UNC5C: variants seen among roughly 807,000 people sequenced by gnomAD.
The protein encoded by UNC5C is unc-5 netrin receptor C, also known as netrin receptor UNC5C.
UNC5C carries 47 observed loss-of-function variants against 99.8 expected under a neutral mutation model. The ratio of observed to expected loss-of-function variants is 0.47; its 90% CI spans 0.37 to 0.60. UNC5C has a LOEUF of 0.60. Among genes scored for constraint, UNC5C ranks in the 20% least tolerant of loss-of-function variants. The pLI, the probability that UNC5C is intolerant of heterozygous loss-of-function variation, is 0.00. For missense variants in UNC5C, 1,062 were observed against 1,165.9 expected, an observed-to-expected ratio of 0.91 and a Z score of 1.30; for synonymous variants, 487 against 452.2, an observed-to-expected ratio of 1.08 and a Z score of -0.98.
chr4:95,372,056 A>G (rs747896480), intron 1 of UNC5C, among the ~76,000 whole-genome samples: 4 of 152,128 alleles, frequency 2.6e-5, no homozygotes, highest in Non-Finnish European at 5.9e-5. Flanking sequence ...AACATGTAAC[A>G]ATCCTATCAC....
At chr4:95,383,481 A>G (rs1035123651) in intron 1 of UNC5C, among the ~76,000 whole-genome samples, 1 of 152,232 alleles carries the variant, frequency 6.6e-6, no homozygotes, top group African/African-American at 2.4e-5. Context: ...AACTAGTCCC[A>G]TAATAGCCAT....
chr4:95,270,362 T>C (rs1740613100), intron 4 of UNC5C, among the ~76,000 whole-genome samples: 3 of 152,230 alleles, frequency 2.0e-5, no homozygotes. Context: ...CTGGGTATTT[T>C]TGTGCTTTAA....
chr4:95,268,732 C>T (rs1029091517), intron 4 of UNC5C, among the ~76,000 whole-genome samples: 1 of 152,162 alleles, frequency 6.6e-6, no homozygotes, highest in Non-Finnish European at 1.5e-5. Context: ...ACATGCCACC[C>T]AACATGAAAA....
At chr4:95,354,479 A>ATATTTTTTTTTTT in intron 1 of UNC5C, among the ~76,000 whole-genome samples, 7 of 110,340 alleles carry the variant, frequency 6.3e-5, no homozygotes, top group South Asian at 2.9e-4. Context: ...ATATATATAT[A>ATATTTTTTTTTTT]TTTTTTTTTT....
chr4:95,477,913 C>G (rs542742885), intron 1 of UNC5C, among the ~76,000 whole-genome samples: 6 of 151,948 alleles, frequency 3.9e-5, no homozygotes, highest in African/African-American at 1.2e-4. Flanking sequence ...AATGAGGTAG[C>G]CTGTCTCTGG....
intron 7 of UNC5C, among the ~76,000 whole-genome samples, chr4:95,228,316 C>CT (rs1215043454): frequency 7.2e-5 from 11 of 152,264 alleles, no homozygotes; most frequent in African/African-American, 2.4e-4. Flanking sequence ...TTTATTACTA[C>CT]TTTTTAAAAA....
At chr4:95,396,452 ATGATGATGATGATGT>A (rs1390437098) in intron 1 of UNC5C, among the ~76,000 whole-genome samples, 2 of 152,122 alleles carry the variant, frequency 1.3e-5, no homozygotes, top group African/African-American at 2.4e-5. Context: ...TCTAAAGGCA[ATGATGATGATGATGT>A]TGATGATGAT....
At chr4:95,444,125 A>G (rs1226462446) in intron 1 of UNC5C, among the ~76,000 whole-genome samples, 1 of 152,176 alleles carries the variant, frequency 6.6e-6, no homozygotes, top group African/African-American at 2.4e-5. Context: ...GAATGGACAG[A>G]TGGACAACAG....
chr4:95,219,876 T>C (rs1183632177), intron 8 of UNC5C, 109 bp downstream of exon 8: 2 of 1,182,608 alleles, frequency 1.7e-6, no homozygotes, highest in Non-Finnish European at 2.4e-6. Flanking sequence ...CTCAAATTGC[T>C]GTCTTCATGG....
At chr4:95,364,902 T>C (rs1744506920) in intron 1 of UNC5C, among the ~76,000 whole-genome samples, 1 of 152,000 alleles carries the variant, frequency 6.6e-6, no homozygotes. Flanking sequence ...GTAAGCACTG[T>C]CAAATTCTTT....
chr4:95,238,039 AATAAATACATAC>A (rs1433884869), intron 7 of UNC5C, among the ~76,000 whole-genome samples: 2 of 65,272 alleles, frequency 3.1e-5, no homozygotes, highest in African/African-American at 1.1e-4. Flanking sequence ...TCCGTCTCTA[AATAAATACATAC>A]ATACATACAT....
At chr4:95,262,016 T>C (rs1740257004) in intron 4 of UNC5C, among the ~76,000 whole-genome samples, 1 of 152,216 alleles carries the variant, frequency 6.6e-6, no homozygotes, top group South Asian at 2.1e-4. Context: ...TTCCTTCTTA[T>C]AACTAATATC....
intron 6 of UNC5C, among the ~76,000 whole-genome samples, 178 bp from the exon 7 acceptor site, chr4:95,242,771 C>T (rs1398014057): frequency 6.6e-6 from 1 of 152,186 alleles, no homozygotes; most frequent in African/African-American, 2.4e-5. Flanking sequence ...GTTTGGTGAG[C>T]TTTTCCTATA....
At chr4:95,306,824 A>T (rs1742077894) in intron 2 of UNC5C, among the ~76,000 whole-genome samples, 1 of 152,178 alleles carries the variant, frequency 6.6e-6, no homozygotes, top group African/African-American at 2.4e-5. Context: ...ATTATAGTAC[A>T]TTCACAGTTA....
intron 1 of UNC5C, 132 bp downstream of exon 1, chr4:95,548,602 G>A: frequency 2.0e-6 from 2 of 994,510 alleles, no homozygotes; most frequent in Non-Finnish European, 2.8e-6. Context: ...TTGGGAAAGT[G>A]GAATTTAGAG....
intron 1 of UNC5C, among the ~76,000 whole-genome samples, chr4:95,497,283 T>TC (rs1370636329): frequency 1.3e-5 from 2 of 152,004 alleles, no homozygotes; most frequent in African/African-American, 4.8e-5. Flanking sequence ...TAGTTTACAT[T>TC]CCCACCAGCA....
intron 14 of UNC5C, among the ~76,000 whole-genome samples, chr4:95,175,572 C>T (rs1056169013): frequency 1.6e-4 from 25 of 152,136 alleles, no homozygotes; most frequent in Non-Finnish European, 2.9e-4. Flanking sequence ...AATATTGGCC[C>T]CCACTCCCTT....
intron 7 of UNC5C, among the ~76,000 whole-genome samples, chr4:95,238,822 T>C (rs1739222230): frequency 6.6e-6 from 1 of 152,216 alleles, no homozygotes; most frequent in Admixed American, 6.5e-5. Flanking sequence ...TCTAAAGCTG[T>C]ATCTGATTTT....
chr4:95,479,197 T>A (rs1445691946), intron 1 of UNC5C, among the ~76,000 whole-genome samples: 1 of 152,062 alleles, frequency 6.6e-6, no homozygotes, highest in Middle Eastern at 3.2e-3. Context: ...TTGACTTGTA[T>A]AAAGAGTTAT....
Sources: gnomAD v4.1 joint callset for allele counts (sites outside exome capture counted in the v4.1 genomes callset) on GRCh38, gnomAD v4.1.1 for gene constraint, MANE v1.5 for transcripts, NCBI Gene and HGNC (gene_info 2026-07-23, HGNC 2026-07-21) for gene names.